Variants in VRK2 observed in about 807,000 individuals in gnomAD.
The protein encoded by VRK2 is serine/threonine-protein kinase VRK2.
A neutral mutation model predicts 57.6 loss-of-function variants in VRK2; 60 were observed. The observed-to-expected ratio is 1.04, with a 90% confidence interval of 0.85 to 1.29. The LOEUF is 1.29. VRK2 is among the 50% of genes most tolerant of loss of function. The probability of loss-of-function intolerance (pLI) is 0.00; values close to 1 mark genes in which losing one functional copy is unlikely to be tolerated. For missense variants in VRK2, 705 were observed against 588.1 expected, an observed-to-expected ratio of 1.20 and a Z score of -2.06; for synonymous variants, 231 against 199.2, an observed-to-expected ratio of 1.16 and a Z score of -1.35.
intron 1 of VRK2, among the ~76,000 whole-genome samples, chr2:57,932,006 GC>G (rs1235535923): frequency 2.0e-5 from 3 of 152,010 alleles, no homozygotes; most frequent in African/African-American, 7.2e-5. Context: ...GTACCATGCT[GC>G]TTTGATTACT....
intron 1 of VRK2, among the ~76,000 whole-genome samples, chr2:57,938,460 G>T (rs2717029): frequency 0.3 from 45,484 of 150,496 alleles, 7,988 homozygotes; most frequent in East Asian, 0.42. Flanking sequence ...AAAGTACAAG[G>T]TGATAGGAGA....
At chr2:57,911,734 C>T (rs551215393) in intron 1 of VRK2, among the ~76,000 whole-genome samples, 29 of 152,230 alleles carry the variant, frequency 1.9e-4, no homozygotes, top group Non-Finnish European at 3.5e-4. Flanking sequence ...TTGGGGATTC[C>T]GTGAACATTT....
chr2:58,019,911 T>TGAAA (rs1384204880), intron 1 of VRK2, among the ~76,000 whole-genome samples: 3 of 151,820 alleles, frequency 2.0e-5, no homozygotes, highest in Non-Finnish European at 4.4e-5. Flanking sequence ...AATACACATA[T>TGAAA]GAAACAAAAA....
At chr2:57,928,915 T>C (rs979662472) in intron 1 of VRK2, among the ~76,000 whole-genome samples, 2 of 152,220 alleles carry the variant, frequency 1.3e-5, no homozygotes, top group African/African-American at 4.8e-5. Flanking sequence ...AAGTGGAGTC[T>C]CTTTCTCCAT....
chr2:58,131,700 C>T (rs1204027798), intron 8 of VRK2, 108 bp from the exon 9 acceptor site: 24 of 1,293,920 alleles, frequency 1.9e-5, no homozygotes, highest in Non-Finnish European at 2.2e-5. Flanking sequence ...AAACATTTTG[C>T]CTATTTGGCT....
intron 7 of VRK2, among the ~76,000 whole-genome samples, chr2:58,100,604 TTTAAAA>T (rs1257359656): frequency 6.7e-6 from 1 of 149,614 alleles, no homozygotes; most frequent in East Asian, 1.9e-4. Context: ...TATTTGGACT[TTTAAAA>T]TTAATATTTT....
chr2:58,155,207 A>G (rs1250163712), intron 12 of VRK2, among the ~76,000 whole-genome samples: 1 of 152,202 alleles, frequency 6.6e-6, no homozygotes, highest in Non-Finnish European at 1.5e-5. Flanking sequence ...AGTTATATCA[A>G]TTACTGAGAA....
intron 11 of VRK2, among the ~76,000 whole-genome samples, chr2:58,142,894 A>G (rs2104626827): frequency 6.6e-6 from 1 of 152,036 alleles, no homozygotes; most frequent in African/African-American, 2.4e-5. Context: ...ATATGTTAGT[A>G]TATTGTAATA....
At chr2:58,021,219 G>A (rs1469601976) in intron 1 of VRK2, among the ~76,000 whole-genome samples, 1 of 152,106 alleles carries the variant, frequency 6.6e-6, no homozygotes, top group Non-Finnish European at 1.5e-5. Context: ...CTAAATTCCA[G>A]TACAAATGAG....
At chr2:58,157,096 G>C (rs1462691501) in intron 12 of VRK2, among the ~76,000 whole-genome samples, 1 of 151,982 alleles carries the variant, frequency 6.6e-6, no homozygotes, top group Admixed American at 6.6e-5. Context: ...GCCTTTCTTA[G>C]GTCTGTGTTA....
intron 1 of VRK2, among the ~76,000 whole-genome samples, chr2:57,943,739 T>A (rs1671169510): frequency 1.3e-5 from 2 of 152,226 alleles, no homozygotes. Context: ...ACTTAGTCTT[T>A]TGGCCGAGGA....
At chr2:58,115,939 G>T (rs1019986471) in intron 7 of VRK2, among the ~76,000 whole-genome samples, 3 of 152,204 alleles carry the variant, frequency 2.0e-5, no homozygotes, top group African/African-American at 7.2e-5. Context: ...GTAGACGGAG[G>T]TTTTGAGGAT....
chr2:58,070,264 G>A (rs921488522), intron 2 of VRK2, among the ~76,000 whole-genome samples: 8 of 151,948 alleles, frequency 5.3e-5, no homozygotes, highest in African/African-American at 1.9e-4. Context: ...TACCCATGCT[G>A]GTCTTGAACT....
upstream of VRK2, chr2:58,046,715 G>A (rs964737539): frequency 8.1e-6 from 8 of 985,464 alleles, no homozygotes; most frequent in Admixed American, 4.3e-4. Context: ...CGAGGCCGAC[G>A]CAGCTGGAGA....
At chr2:58,018,960 C>T (rs369229756) in intron 1 of VRK2, among the ~76,000 whole-genome samples, 3 of 152,276 alleles carry the variant, frequency 2.0e-5, no homozygotes, top group African/African-American at 7.2e-5. Flanking sequence ...TGATAAATTT[C>T]CCTGTACCAC....
chr2:57,946,386 A>T (rs2103967482), intron 1 of VRK2, among the ~76,000 whole-genome samples: 1 of 152,182 alleles, frequency 6.6e-6, no homozygotes, highest in South Asian at 2.1e-4. Flanking sequence ...TAACAATTGC[A>T]CATATTATGC....
chr2:58,046,130 C>G (rs142916400), upstream of VRK2, among the ~76,000 whole-genome samples: 5,423 of 152,260 alleles, frequency 0.036, 326 homozygotes, highest in African/African-American at 0.12. Flanking sequence ...CAGGCGTGAG[C>G]CACCGCACCT....
At chr2:57,908,656 T>C (rs1441176574) in intron 1 of VRK2, among the ~76,000 whole-genome samples, 1 of 152,230 alleles carries the variant, frequency 6.6e-6, no homozygotes, top group Non-Finnish European at 1.5e-5. Context: ...AAGTGTTTTC[T>C]AAACTGTGTG....
intron 1 of VRK2, among the ~76,000 whole-genome samples, chr2:57,957,917 A>G (rs1165706514): frequency 6.6e-6 from 1 of 152,102 alleles, no homozygotes; most frequent in African/African-American, 2.4e-5. Flanking sequence ...TTCCCCATCC[A>G]TTTTACAAAT....
Sources: allele counts gnomAD v4.1 joint callset (sites outside exome capture counted in the v4.1 genomes callset), GRCh38; gene constraint gnomAD v4.1.1; transcripts MANE v1.5; gene names NCBI Gene and HGNC (gene_info 2026-07-23, HGNC 2026-07-21).